The following ASTN2 variants were observed in gnomAD, a reference collection of about 807,000 sequenced individuals.
ASTN2 encodes astrotactin 2, also known as astrotactin-2.
In ASTN2, 54 loss-of-function variants were observed where a neutral mutation model predicts 139.8. The ratio of observed to expected loss-of-function variants is 0.39; its 90% CI spans 0.31 to 0.48. The LOEUF is 0.48. Ranked by LOEUF, ASTN2 falls within the 20% of genes least tolerant of loss-of-function variation. ASTN2 has a pLI of 0.95. For missense variants in ASTN2, 1,565 were observed against 1,725.1 expected (o/e 0.91, Z 1.64); for synonymous variants, 756 against 719.5 (o/e 1.05, Z -0.81).
At chr9:116,851,125 G>T (rs1337674276) in intron 11 of ASTN2, among the ~76,000 whole-genome samples, 1 of 152,196 alleles carries the variant, frequency 6.6e-6, no homozygotes, top group East Asian at 1.9e-4. Context: ...CCAAAGGCAA[G>T]TTTGATCTAG....
At chr9:116,857,073 A>G (rs1832759532) in intron 11 of ASTN2, among the ~76,000 whole-genome samples, 1 of 152,176 alleles carries the variant, frequency 6.6e-6, no homozygotes, top group African/African-American at 2.4e-5. Flanking sequence ...TCATGTGTGA[A>G]GTGAAGGTAA....
intron 13 of ASTN2, among the ~76,000 whole-genome samples, chr9:116,734,078 T>C (rs1278257393): frequency 6.6e-6 from 1 of 152,170 alleles, no homozygotes; most frequent in Non-Finnish European, 1.5e-5. Context: ...AGAGACTTTT[T>C]TTTTTGGCTC....
intron 20 of ASTN2, among the ~76,000 whole-genome samples, chr9:116,478,149 A>T (rs1197353336): frequency 4.7e-4 from 63 of 134,648 alleles, no homozygotes; most frequent in African/African-American, 1.6e-3. Context: ...GGAGGGATAC[A>T]GGAAGGAAGG....
chr9:117,073,785 A>T (rs1203491355), intron 5 of ASTN2, among the ~76,000 whole-genome samples: 1 of 152,170 alleles, frequency 6.6e-6, no homozygotes, highest in Non-Finnish European at 1.5e-5. Context: ...CTCTGTTACA[A>T]ACACCTCAGC....
At chr9:116,575,505 C>A (rs1353371325) in intron 19 of ASTN2, among the ~76,000 whole-genome samples, 1 of 152,070 alleles carries the variant, frequency 6.6e-6, no homozygotes, top group Admixed American at 6.6e-5. Flanking sequence ...ATTTATAGAT[C>A]ATTAGAGAAA....
In ASTN2 at chr9:116,846,339, T is replaced by C. The variant is rs143657688; in HGVS notation, c.2040+17244A>G. Among the ~76,000 whole-genome samples the C allele has an allele frequency of 6.0e-3, 918 of 152,312 alleles. 8 individuals are homozygous for C. The highest frequency in any genetic ancestry group is 0.021 in the African/African-American group (863 of 41,564). Reference sequence around the variant, plus strand: ...CTTCAAATGCTTAAGGAGATAAATTTTATGTTATGCATATCTTATCACAAT... The same window carrying C: ...CTTCAAATGCTTAAGGAGATAAATTCTATGTTATGCATATCTTATCACAAT... On this transcript the variant is annotated intron_variant, in intron 11 of 22. Coordinates refer to ENST00000313400, the MANE Select transcript of ASTN2 (RefSeq NM_001365068.1).
chr9:116,752,334 A>ACAGACAGAAAAGAAGAAGAAAG (rs1829422707), intron 13 of ASTN2, among the ~76,000 whole-genome samples: 1 of 152,010 alleles, frequency 6.6e-6, no homozygotes, highest in Non-Finnish European at 1.5e-5. Flanking sequence ...GAAGAAGAAA[A>ACAGACAGAAAAGAAGAAGAAAG]ACAGACAAAA....
intron 10 of ASTN2, among the ~76,000 whole-genome samples, chr9:116,887,177 A>C (rs1833629975): frequency 2.0e-5 from 3 of 152,192 alleles, no homozygotes; most frequent in South Asian, 4.2e-4. Flanking sequence ...AAAGCATATA[A>C]ATAAACTTAC....
chr9:117,202,206 A>G (rs1439955986), intron 3 of ASTN2, among the ~76,000 whole-genome samples: 2 of 151,770 alleles, frequency 1.3e-5, no homozygotes, highest in African/African-American at 4.8e-5. Context: ...ATCTTCCTCC[A>G]TCCCTTTATT....
chr9:116,611,806 T>C (rs971640358), intron 19 of ASTN2: 2 of 152,102 alleles, frequency 1.3e-5, no homozygotes, highest in African/African-American at 4.8e-5. Flanking sequence ...CCTTCACTGG[T>C]GAATTCTAAA....
At chr9:116,553,897 G>C (rs1193378156) in intron 19 of ASTN2, among the ~76,000 whole-genome samples, 1 of 152,174 alleles carries the variant, frequency 6.6e-6, no homozygotes, top group African/African-American at 2.4e-5. Context: ...AGCCTCCAAA[G>C]GGTCTTCTAT....
chr9:116,805,678 G>A lies in ASTN2; in HGVS notation c.2350C>T (p.Arg784Trp), dbSNP rs772547673. ...TGGCCTTGGTTCACATGCTGGGTCC[G>A]GTTGTTGTAACCATGTAGCATCTCT... ...FGEMLHGYNN[R>W]TQHVNQGQVF... Residue 784 changes from arginine to tryptophan, a missense_variant, in exon 13 of 23, where the codon CGG becomes TGG. By Grantham distance (101) the Arg-to-Trp change is moderately radical (BLOSUM62 -3). Transcript: ENST00000313400. 29 of 1,613,780 alleles carry A rather than the reference G, an allele frequency of 1.8e-5. No individual in the cohort carries two copies. The highest frequency in any genetic ancestry group is 4.5e-5 in the East Asian group (2 of 44,896).
At position 116,699,692 on chromosome 9, in the gene ASTN2, T is replaced by A. The variant is rs1273018123; in HGVS notation, c.2806+26079A>T. On this transcript the variant is annotated intron_variant, in intron 16 of 22. Transcript: ENST00000313400. The surrounding 1 kb of genome is among the most constrained non-coding windows in gnomAD (Gnocchi z 4.2). The stretch of plus-strand genomic sequence containing the variant: ...TCTACAGCTACCATCTGAGAAGATA[T>A]TCCACCCCATAGGGGATGAGAAATT... 6.2e-7 allele frequency: 1 copy of A among 1,614,082 alleles called. No homozygotes were observed. The highest frequency in any genetic ancestry group is 8.5e-7 in the Non-Finnish European group (1 of 1,180,046).
intron 10 of ASTN2, among the ~76,000 whole-genome samples, chr9:116,924,006 C>T (rs1237779922): frequency 2.0e-5 from 3 of 152,124 alleles, no homozygotes; most frequent in Non-Finnish European, 4.4e-5. Context: ...AAAGGGGTCC[C>T]AATCCAGAAC....
At chr9:117,199,962 G>T (rs1335217705) in intron 3 of ASTN2, among the ~76,000 whole-genome samples, 1 of 151,984 alleles carries the variant, frequency 6.6e-6, no homozygotes, top group Non-Finnish European at 1.5e-5. Context: ...GTAAAGGAAT[G>T]CTTGTGATTT....
chr9:116,766,754 A>T (rs1352653532), intron 13 of ASTN2, among the ~76,000 whole-genome samples: 1 of 152,026 alleles, frequency 6.6e-6, no homozygotes, highest in Non-Finnish European at 1.5e-5. Flanking sequence ...AGTCACATAC[A>T]CATAAACGCA....
chr9:116,436,257 T>C (rs1334265364), intron 22 of ASTN2, among the ~76,000 whole-genome samples: 1 of 152,192 alleles, frequency 6.6e-6, no homozygotes, highest in Non-Finnish European at 1.5e-5. Flanking sequence ...TGGAATTCAA[T>C]TGTTTCCATC....
At chr9:116,961,831 ACCAG>A (rs1272562789) in intron 10 of ASTN2, among the ~76,000 whole-genome samples, 2 of 152,206 alleles carry the variant, frequency 1.3e-5, no homozygotes, top group Admixed American at 1.3e-4. Context: ...GGATTCCTAC[ACCAG>A]ATCAAAATCT....
At chr9:116,465,888 T>C (rs1405650393) in intron 20 of ASTN2, among the ~76,000 whole-genome samples, 6 of 152,196 alleles carry the variant, frequency 3.9e-5, no homozygotes, top group Admixed American at 2.6e-4. Context: ...AATAAAGAGC[T>C]CTGAAGCAAA....
Sources: allele counts gnomAD v4.1 joint callset (sites outside exome capture counted in the v4.1 genomes callset), GRCh38; gene constraint gnomAD v4.1.1; non-coding constraint Gnocchi (gnomAD v3.1); transcripts MANE v1.5; gene names NCBI Gene and HGNC (gene_info 2026-07-23, HGNC 2026-07-21).